The following ST6GAL1 variants were observed in gnomAD, a reference collection of about 807,000 sequenced individuals.
ST6GAL1 encodes the protein beta-galactoside alpha-2,6-sialyltransferase 1.
In ST6GAL1, 20 loss-of-function variants were observed where a neutral mutation model predicts 38.0. The ratio of observed to expected loss-of-function variants is 0.53; its 90% CI spans 0.37 to 0.77. ST6GAL1 has a LOEUF of 0.77. Among genes scored for constraint, ST6GAL1 ranks in the 30% least tolerant of loss-of-function variants. ST6GAL1 has a pLI of 0.00. For synonymous variants in ST6GAL1, 196 were observed against 188.2 expected (o/e 1.04, Z -0.34); for missense variants, 432 against 496.4 (o/e 0.87, Z 1.23).
At chr3:186,937,337 C>T (rs1053886335) in intron 1 of ST6GAL1, among the ~76,000 whole-genome samples, 2 of 152,162 alleles carry the variant, frequency 1.3e-5, no homozygotes, top group Non-Finnish European at 2.9e-5. Flanking sequence ...GCCTTTCCCA[C>T]CATTGCCTCA....
chr3:186,942,020 A>G (rs990684805), intron 1 of ST6GAL1, among the ~76,000 whole-genome samples: 2 of 152,156 alleles, frequency 1.3e-5, no homozygotes, highest in African/African-American at 4.8e-5. Context: ...TCAAAAAAAA[A>G]AAAAAAGTTG....
chr3:186,943,259 C>A (rs1714241220), intron 1 of ST6GAL1, among the ~76,000 whole-genome samples: 1 of 152,104 alleles, frequency 6.6e-6, no homozygotes, highest in Non-Finnish European at 1.5e-5. Context: ...CAGGGGAAGG[C>A]TGCAGGAGCA....
intron 2 of ST6GAL1, among the ~76,000 whole-genome samples, chr3:187,022,327 G>A (rs1560165797): frequency 6.6e-6 from 1 of 152,186 alleles, no homozygotes; most frequent in African/African-American, 2.4e-5. Flanking sequence ...AGGAAAGATG[G>A]CTACAGAGAG....
At chr3:186,960,255 T>C (rs750800451) in intron 1 of ST6GAL1, among the ~76,000 whole-genome samples, 1 of 152,146 alleles carries the variant, frequency 6.6e-6, no homozygotes, top group Admixed American at 6.5e-5. Context: ...TTCTGTGTCA[T>C]CTAGATGCTT....
At chr3:187,050,564 GGGAGGGAAGGAA>G in intron 4 of ST6GAL1, among the ~76,000 whole-genome samples, 1 of 151,214 alleles carries the variant, frequency 6.6e-6, no homozygotes, top group South Asian at 2.1e-4. Flanking sequence ...GAGAGAGGGA[GGGAGGGAAGGAA>G]GGAGGGAGGG....
At chr3:186,985,692 T>TC in intron 2 of ST6GAL1, among the ~76,000 whole-genome samples, 1 of 149,944 alleles carries the variant, frequency 6.7e-6, no homozygotes, top group East Asian at 2.0e-4. Context: ...GGACGATTGC[T>TC]TGAGCCTCAG....
At chr3:187,011,109 T>C (rs140231240) in intron 2 of ST6GAL1, among the ~76,000 whole-genome samples, 1,777 of 152,206 alleles carry the variant, frequency 0.012, 26 homozygotes, top group African/African-American at 0.041. Flanking sequence ...AGTGATTCGC[T>C]TGCCTCAGCC....
In ST6GAL1 at chr3:187,030,978, TG is replaced by T. The variant is rs530969176; in HGVS notation, c.-182-7760del. 1.6e-4 allele frequency among the ~76,000 whole-genome samples: 24 copies of T among 152,042 alleles called. No homozygotes were observed. The South Asian group carries it at 5.0e-3, about 32-fold the overall frequency. ...TGTAGCAATTGAAGGCAGTGGGCAG[TG>T]GGGAGGGATGGTGTCAGGAGCTAGC... On this transcript the variant is annotated intron_variant, in intron 2 of 7. Transcript: ENST00000169298.
chr3:186,983,055 G>A lies in ST6GAL1; in HGVS notation c.-183+19129G>A, dbSNP rs1715747876. ...TTGTTTTCTGTCTCAGGTACGCTAA[G>A]TTTGTCTCTCAAAACTCTTTGTGGG... On this transcript the variant is annotated intron_variant, in intron 2 of 7. Transcript: ENST00000169298. Among the ~76,000 whole-genome samples, 6 of 152,080 alleles carry A rather than the reference G, an allele frequency of 3.9e-5. No homozygotes were observed. In the South Asian group the frequency reaches 1.2e-3, roughly 31 times the overall value.
At chr3:186,996,339 T>A (rs1257465810) in intron 2 of ST6GAL1, among the ~76,000 whole-genome samples, 1 of 152,138 alleles carries the variant, frequency 6.6e-6, no homozygotes, top group Non-Finnish European at 1.5e-5. Context: ...GGAAGAAACA[T>A]GTTATGATGT....
chr3:187,022,647 G>A (rs1053968065), intron 2 of ST6GAL1, among the ~76,000 whole-genome samples: 3 of 152,150 alleles, frequency 2.0e-5, no homozygotes, highest in African/African-American at 7.2e-5. Flanking sequence ...AGCAAGGGAA[G>A]AGACATTAAT....
intron 5 of ST6GAL1, among the ~76,000 whole-genome samples, chr3:187,070,612 A>G (rs112278383): frequency 1.3e-4 from 19 of 151,270 alleles, no homozygotes; most frequent in Non-Finnish European, 2.4e-4. Flanking sequence ...TTCAGTAGAG[A>G]CGGGGTTTCA....
intron 2 of ST6GAL1, among the ~76,000 whole-genome samples, chr3:187,005,561 C>A (rs1336303035): frequency 9.2e-5 from 14 of 152,072 alleles, no homozygotes; most frequent in Admixed American, 9.2e-4. Flanking sequence ...AGGCATGAGC[C>A]ACGGCGCCCG....
intron 2 of ST6GAL1, among the ~76,000 whole-genome samples, chr3:186,985,774 C>CA (rs5855120): frequency 0.78 from 102,627 of 131,506 alleles, 39,455 homozygotes; most frequent in South Asian, 0.87. Context: ...GACCCTGTCT[C>CA]AAAAAAAAAA....
intron 2 of ST6GAL1, among the ~76,000 whole-genome samples, chr3:187,013,752 T>C (rs745815870): frequency 4.6e-5 from 7 of 152,050 alleles, no homozygotes; most frequent in Non-Finnish European, 8.8e-5. Flanking sequence ...GCCTGACTAA[T>C]TTTTGTATTT....
intron 1 of ST6GAL1, among the ~76,000 whole-genome samples, chr3:186,947,871 A>G (rs1355358584): frequency 6.6e-6 from 1 of 152,238 alleles, no homozygotes; most frequent in Non-Finnish European, 1.5e-5. Context: ...TGCTCTGCTG[A>G]GAGCATACAT....
chr3:186,950,713 A>G (rs1470902585), intron 1 of ST6GAL1, among the ~76,000 whole-genome samples: 2 of 152,232 alleles, frequency 1.3e-5, no homozygotes, highest in Admixed American at 6.5e-5. Context: ...AGTGTCAAAT[A>G]AAAAGAACCG....
At chr3:186,944,466 G>A (rs1714287110) in intron 1 of ST6GAL1, among the ~76,000 whole-genome samples, 1 of 152,208 alleles carries the variant, frequency 6.6e-6, no homozygotes, top group Non-Finnish European at 1.5e-5. Flanking sequence ...TGGCTCTCGG[G>A]TAGGAGAGGC....
intron 2 of ST6GAL1, among the ~76,000 whole-genome samples, chr3:187,008,560 A>G (rs886511183): frequency 9.9e-5 from 15 of 152,266 alleles, no homozygotes; most frequent in East Asian, 7.7e-4. Flanking sequence ...AAATAGAGAT[A>G]TTTTCAGGTG....
Sources: gnomAD v4.1 joint callset for allele counts (sites outside exome capture counted in the v4.1 genomes callset) on GRCh38, gnomAD v4.1.1 for gene constraint, MANE v1.5 for transcripts, NCBI Gene and HGNC (gene_info 2026-07-23, HGNC 2026-07-21) for gene names.